Variants in SH3GL1 observed in about 807,000 individuals in gnomAD.
SH3GL1 encodes the protein SH3 domain containing GRB2 like 1, endophilin A2.
SH3GL1 carries 21 observed loss-of-function variants against 48.8 expected under a neutral mutation model. The observed-to-expected ratio is 0.43, with a 90% confidence interval of 0.30 to 0.62. The LOEUF is 0.62. Among genes scored for constraint, SH3GL1 ranks in the 20% least tolerant of loss-of-function variants. The pLI is 0.11. For synonymous variants in SH3GL1, 282 were observed against 217.5 expected, an observed-to-expected ratio of 1.30 and a Z score of -2.61; for missense variants, 454 against 503.0, an observed-to-expected ratio of 0.90 and a Z score of 0.93.
chr19:4,383,459 C>T (rs1243870311), intron 1 of SH3GL1, among the ~76,000 whole-genome samples: 1 of 152,056 alleles, frequency 6.6e-6, no homozygotes, highest in Admixed American at 6.6e-5. Context: ...GTCTCAAACT[C>T]CCAGGCTCAA....
chr19:4,383,037 G>A (rs768421437), intron 1 of SH3GL1, among the ~76,000 whole-genome samples: 4 of 152,106 alleles, frequency 2.6e-5, no homozygotes, highest in Non-Finnish European at 5.9e-5. Context: ...TCCAGCCTCA[G>A]GCTTCTGAGT....
chr19:4,375,386 G>A (rs1006411908), intron 1 of SH3GL1, among the ~76,000 whole-genome samples: 1 of 152,236 alleles, frequency 6.6e-6, no homozygotes, highest in Non-Finnish European at 1.5e-5. Context: ...ACCAACCCTG[G>A]CTCTGCCTGG....
rs879886532 is a variant in SH3GL1, at chr19:4,383,380, AT to A, written c.46-16387del. ...CAGGCGTGCATCACCACACAGAGTT[AT>A]TTTTTTTTTTATTTTTTATTTTTTG... On this transcript the variant is annotated intron_variant, in intron 1 of 9. Coordinates refer to ENST00000269886, the MANE Select transcript of SH3GL1 (RefSeq NM_003025.4). 4.1e-3 allele frequency among the ~76,000 whole-genome samples: 601 copies of A among 146,808 alleles called. 8 individuals are homozygous for A. The highest frequency in any genetic ancestry group is 0.011 in the African/African-American group (439 of 40,014).
intron 1 of SH3GL1, among the ~76,000 whole-genome samples, chr19:4,369,532 GGA>G (rs968390506): frequency 6.6e-5 from 10 of 152,228 alleles, no homozygotes; most frequent in African/African-American, 2.4e-4. Flanking sequence ...CAGGGCAGGA[GGA>G]GAGGCCCTAC....
intron 1 of SH3GL1, among the ~76,000 whole-genome samples, chr19:4,380,823 C>A (rs924726305): frequency 6.6e-6 from 1 of 152,088 alleles, no homozygotes; most frequent in African/African-American, 2.4e-5. Context: ...TTTAAGTCAC[C>A]AAGGTGGGAT....
At chr19:4,383,423 G>A (rs372829562) in intron 1 of SH3GL1, among the ~76,000 whole-genome samples, 23 of 150,996 alleles carry the variant, frequency 1.5e-4, no homozygotes, top group African/African-American at 5.4e-4. Flanking sequence ...TTGTAGAGAC[G>A]GGGTTTCACT....
At position 4,372,239 on chromosome 19, in the gene SH3GL1, G is replaced by A. The variant is rs557866098; in HGVS notation, c.46-5245C>T. Among the ~76,000 whole-genome samples the A allele has an allele frequency of 2.0e-5, 3 of 152,318 alleles. No individual in the cohort carries two copies. In the East Asian group the frequency reaches 5.8e-4, roughly 29 times the overall value. On this transcript the variant is annotated intron_variant, in intron 1 of 9. Coordinates refer to ENST00000269886, the MANE Select transcript of SH3GL1 (RefSeq NM_003025.4). ...AGGGACAGGGCAGGCAGGACACACG[G>A]AACAAGGGCCACTATTCACAGTCCC...
chr19:4,363,582 G>C lies in SH3GL1; in HGVS notation c.625-109C>G, dbSNP rs1041188207. ...GCAAGGGGGCTGAGAGGGGACAGGGGACTGGGGCCCATACCCTCCACCTCC... is the reference window on the plus strand; with the variant it reads ...GCAAGGGGGCTGAGAGGGGACAGGGCACTGGGGCCCATACCCTCCACCTCC... On this transcript the variant is annotated intron_variant, in intron 6 of 9. Coordinates refer to ENST00000269886, the MANE Select transcript of SH3GL1 (RefSeq NM_003025.4). 5.5e-6 allele frequency: 8 copies of C among 1,453,734 alleles called. No individual in the cohort carries two copies. In the African/African-American group the frequency reaches 9.7e-5, roughly 18 times the overall value. The allele number at this position is 1,453,734 out of a possible 1,614,324, so 90.1% of individuals were successfully genotyped here. A position where few individuals can be genotyped will look rare whatever the true frequency, so the allele number is the denominator to read the frequency against.
intron 3 of SH3GL1, among the ~76,000 whole-genome samples, chr19:4,366,080 G>T (rs1972771688): frequency 1.3e-5 from 2 of 152,156 alleles, no homozygotes; most frequent in African/African-American, 4.8e-5. Context: ...GCCTCCTATG[G>T]AGCCAGCATT....
intron 1 of SH3GL1, among the ~76,000 whole-genome samples, chr19:4,393,297 CA>C (rs5826842): frequency 1.3e-5 from 2 of 150,258 alleles, no homozygotes; most frequent in African/African-American, 4.9e-5. Flanking sequence ...AACAAACAAA[CA>C]AAAAAAAACA....
In SH3GL1 at chr19:4,361,473, C is replaced by A. The variant is rs2144852122; in HGVS notation, c.*127G>T. On this transcript the variant is annotated 3_prime_UTR_variant, in exon 10 of 10. Transcript: ENST00000269886. Reference sequence around the variant, plus strand: ...TCCTGCTCAGGGAGTACCTCAAGGGCCGGGGCCCAGGTGGCGCCGGCAGGC... The same window carrying A: ...TCCTGCTCAGGGAGTACCTCAAGGGACGGGGCCCAGGTGGCGCCGGCAGGC... The A allele has an allele frequency of 4.3e-6, 3 of 695,112 alleles. No homozygotes were observed. The highest frequency in any genetic ancestry group is 4.0e-4 in the Middle Eastern group (1 of 2,522). 43.1% of individuals were successfully genotyped at this position (695,112 alleles called of 1,614,324 possible).
chr19:4,366,348 A>G (rs1972778806), intron 3 of SH3GL1, among the ~76,000 whole-genome samples, 153 bp downstream of exon 3: 1 of 152,126 alleles, frequency 6.6e-6, no homozygotes, highest in Non-Finnish European at 1.5e-5. Flanking sequence ...GAAAGGCAGC[A>G]TGCAGCACCA....
Position 4,400,309 on chromosome 19 carries a change from T to C in SH3GL1, c.45+15A>G. On this transcript the variant is annotated intron_variant, in intron 1 of 9. Transcript: ENST00000269886. The surrounding 1 kb of genome is among the most constrained non-coding windows in gnomAD (Gnocchi z 4.1). Reference sequence around the variant, plus strand: ...CGGGGCCCGGTACTCGGCTCCCGCCTGGGCCTGCGCTCACCTGGCTCGCCT... The same window carrying C: ...CGGGGCCCGGTACTCGGCTCCCGCCCGGGCCTGCGCTCACCTGGCTCGCCT... 1 of 1,596,878 alleles carries C rather than the reference T, an allele frequency of 6.3e-7. No homozygotes were observed. The highest frequency in any genetic ancestry group is 8.5e-7 in the Non-Finnish European group (1 of 1,174,898).
intron 1 of SH3GL1, among the ~76,000 whole-genome samples, chr19:4,375,409 G>T (rs541412833): frequency 2.2e-4 from 34 of 152,362 alleles, no homozygotes; most frequent in African/African-American, 7.9e-4. Flanking sequence ...TGCAGTCAGG[G>T]CAGGTGGAAG....
At chr19:4,364,058 A>G (rs749223827) in intron 5 of SH3GL1, 30 bp downstream of exon 5, 84 of 1,611,376 alleles carry the variant, frequency 5.2e-5, no homozygotes, top group Non-Finnish European at 6.9e-5. Flanking sequence ...GGGGGAAGGG[A>G]CAGGCCCCAG....
intron 1 of SH3GL1, among the ~76,000 whole-genome samples, chr19:4,388,714 G>A (rs368090734): frequency 2.0e-5 from 3 of 152,186 alleles, no homozygotes; most frequent in African/African-American, 4.8e-5. Flanking sequence ...CGGCCCAGCC[G>A]GGCAGCAGCA....
intron 1 of SH3GL1, among the ~76,000 whole-genome samples, chr19:4,381,367 G>A (rs1409669351): frequency 1.4e-5 from 1 of 69,398 alleles, no homozygotes; most frequent in Non-Finnish European, 2.7e-5. Context: ...CCCTCTGCCT[G>A]TCTCCCATCT....
rs567306067 is a variant in SH3GL1 at position 4,400,415 on chromosome 19, G to A, written c.-47C>T. Reference sequence around the variant, plus strand: ...TCCCGCCCGGACCGCGCCAGCGACAGGCTCCCGGGCGCCGCCGACCCTCTG... The same window carrying A: ...TCCCGCCCGGACCGCGCCAGCGACAAGCTCCCGGGCGCCGCCGACCCTCTG... On this transcript the variant is annotated 5_prime_UTR_variant, in exon 1 of 10. Transcript: ENST00000269886. The surrounding 1 kb of genome is among the most constrained non-coding windows in gnomAD (Gnocchi z 4.1). 3.3e-6 allele frequency: 5 copies of A among 1,524,238 alleles called. No individual in the cohort carries two copies. Among genetic ancestry groups the A allele is most frequent in the Middle Eastern group, 2.3e-4 (1 of 4,312 alleles). The allele number at this position is 1,524,238 out of a possible 1,614,324, so 94.4% of individuals were successfully genotyped here. A position where few individuals can be genotyped will look rare whatever the true frequency, so the allele number is the denominator to read the frequency against.
chr19:4,360,958 AGGCAGATCCCAGCT>A lies in SH3GL1; in HGVS notation c.*628_*641del. On this transcript the variant is annotated 3_prime_UTR_variant, in exon 10 of 10. Transcript: ENST00000269886. ...GCAGGAGACCATGTTCTCTGTCCTC[AGGCAGATCCCAGCT>A]GGCCTCTGTCCCCGGGCTGCAAGCT... 1 of 233,582 alleles carries A rather than the reference AGGCAGATCCCAGCT, an allele frequency of 4.3e-6. No homozygotes were observed. The allele number at this position is 233,582 out of a possible 1,614,324, so 14.5% of individuals were successfully genotyped here.
Sources: allele counts gnomAD v4.1 joint callset (sites outside exome capture counted in the v4.1 genomes callset), GRCh38; gene constraint gnomAD v4.1.1; non-coding constraint Gnocchi (gnomAD v3.1); transcripts MANE v1.5; gene names NCBI Gene and HGNC (gene_info 2026-07-23, HGNC 2026-07-21).